The following MTSS1 variants were observed in gnomAD, a reference collection of about 807,000 sequenced individuals.
MTSS1 encodes protein MTSS 1.
A neutral mutation model predicts 79.0 loss-of-function variants in MTSS1; 18 were observed. The observed-to-expected ratio is 0.23, with a 90% CI of 0.16 to 0.34. The LOEUF is 0.34. Ranked by LOEUF, MTSS1 falls within the 10% of genes least tolerant of loss-of-function variation. MTSS1 has a pLI of 1.00. For synonymous variants in MTSS1, 341 were observed against 368.6 expected (o/e 0.93, Z 0.86); for missense variants, 815 against 986.2 (o/e 0.83, Z 2.33).
intron 7 of MTSS1, chr8:124,567,529 A>C: frequency 8.8e-7 from 1 of 1,133,240 alleles, no homozygotes; most frequent in Non-Finnish European, 1.2e-6. Flanking sequence ...CCCTTTTCTG[A>C]AGTTGCTTAG....
At chr8:124,663,815 G>C (rs1358501465) in intron 3 of MTSS1, among the ~76,000 whole-genome samples, 1 of 152,132 alleles carries the variant, frequency 6.6e-6, no homozygotes, top group South Asian at 2.1e-4. Context: ...TCCTCAAGGA[G>C]GGCAGAGACA....
intron 3 of MTSS1, among the ~76,000 whole-genome samples, chr8:124,687,227 T>C (rs1405500652): frequency 2.6e-5 from 4 of 152,162 alleles, no homozygotes; most frequent in Non-Finnish European, 4.4e-5. Context: ...TCCATATGCC[T>C]GCATGGAAAC....
intron 3 of MTSS1, among the ~76,000 whole-genome samples, chr8:124,599,784 A>G (rs73704107): frequency 0.026 from 3,912 of 152,222 alleles, 159 homozygotes; most frequent in African/African-American, 0.086. Flanking sequence ...CTTGGATGGC[A>G]GGCACACTCC....
intron 1 of MTSS1, among the ~76,000 whole-genome samples, chr8:124,723,577 T>C (rs1215363323): frequency 6.6e-6 from 1 of 152,122 alleles, no homozygotes; most frequent in East Asian, 1.9e-4. Flanking sequence ...AACAACAAAA[T>C]TGGCACCCAA....
intron 3 of MTSS1, among the ~76,000 whole-genome samples, chr8:124,692,155 G>A (rs1245748043): frequency 6.6e-6 from 1 of 151,008 alleles, no homozygotes; most frequent in East Asian, 2.0e-4. Flanking sequence ...TCAGCCTCCC[G>A]AGTAGCTGGA....
intron 3 of MTSS1, among the ~76,000 whole-genome samples, chr8:124,628,326 T>C (rs1198328363): frequency 3.3e-5 from 5 of 152,122 alleles, no homozygotes; most frequent in Non-Finnish European, 5.9e-5. Flanking sequence ...ATCATCCGAC[T>C]CCCAGATCAT....
At chr8:124,563,357 G>T in intron 9 of MTSS1, 1 of 284,794 alleles carries the variant, frequency 3.5e-6, no homozygotes. Context: ...GCTGATGTCA[G>T]TAGCAAGAAA....
intron 3 of MTSS1, among the ~76,000 whole-genome samples, chr8:124,666,175 T>C (rs1263661217): frequency 6.6e-6 from 1 of 152,240 alleles, no homozygotes; most frequent in Non-Finnish European, 1.5e-5. Context: ...GGGTGGGGAC[T>C]GGATCATATT....
chr8:124,580,585 GAA>G (rs1186669790), intron 6 of MTSS1: 3 of 1,535,722 alleles, frequency 2.0e-6, no homozygotes, highest in Non-Finnish European at 2.6e-6. Context: ...CACACGGTGA[GAA>G]AGTGCAGGAT....
intron 6 of MTSS1, among the ~76,000 whole-genome samples, chr8:124,571,359 C>T (rs899920032): frequency 1.3e-5 from 2 of 152,156 alleles, no homozygotes; most frequent in African/African-American, 4.8e-5. Context: ...GTGTATGATA[C>T]GAGTCCACCA....
chr8:124,654,267 G>C (rs1820543543), intron 3 of MTSS1, among the ~76,000 whole-genome samples: 1 of 152,218 alleles, frequency 6.6e-6, no homozygotes, highest in African/African-American at 2.4e-5. Flanking sequence ...TTAACCTACA[G>C]TTAAATGTTT....
chr8:124,619,093 G>T (rs2133481026), intron 3 of MTSS1, among the ~76,000 whole-genome samples: 1 of 152,348 alleles, frequency 6.6e-6, no homozygotes, highest in East Asian at 1.9e-4. Context: ...AGACAAAAAG[G>T]CAGAACTGTA....
intron 3 of MTSS1, among the ~76,000 whole-genome samples, chr8:124,674,200 G>A (rs1474504792): frequency 3.3e-5 from 5 of 151,996 alleles, no homozygotes; most frequent in African/African-American, 1.2e-4. Context: ...CCACAATCTC[G>A]GCTCACTGCA....
chr8:124,602,895 C>T (rs1429860442), intron 3 of MTSS1, among the ~76,000 whole-genome samples: 1 of 152,144 alleles, frequency 6.6e-6, no homozygotes, highest in Admixed American at 6.5e-5. Flanking sequence ...AAGAGACAGC[C>T]GCCTGCCCCC....
rs1048259992 is a variant in MTSS1 at position 124,591,264 on chromosome 8, G to A, written c.209-29C>T. The A allele has an allele frequency of 2.5e-6, 4 of 1,584,558 alleles. No homozygotes were observed. The Admixed American group carries it at 6.7e-5, about 26-fold the overall frequency. ...AAAAAGCAACAGAGGCAAAGGTGAG[G>A]GATAGAAGACTAGCAGGGATCATGG... On this transcript the variant is annotated intron_variant, in intron 3 of 13. Transcript: ENST00000518547.
Position 124,728,065 on chromosome 8 carries a change from G to A in MTSS1, c.-110C>T. The A allele has an allele frequency of 1.1e-6, 1 of 874,364 alleles. No individual in the cohort carries two copies. The highest frequency in any genetic ancestry group is 2.8e-5 in the East Asian group (1 of 35,296). The allele number at this position is 874,364 out of a possible 1,614,324, so 54.2% of individuals were successfully genotyped here. On this transcript the variant is annotated 5_prime_UTR_variant, in exon 1 of 14. Transcript: ENST00000518547. The surrounding 1 kb of genome is among the most constrained non-coding windows in gnomAD (Gnocchi z 6.1). ...TTTCACCTTCCGAGAGACCCACCTC[G>A]GACTCGCAGCCTCTTCTGCAGCGAG...
chr8:124,662,828 A>G (rs1210964934), intron 3 of MTSS1, among the ~76,000 whole-genome samples: 1 of 152,198 alleles, frequency 6.6e-6, no homozygotes, highest in Non-Finnish European at 1.5e-5. Context: ...GGGAGGAAAC[A>G]GACCAGGTAC....
intron 6 of MTSS1, among the ~76,000 whole-genome samples, chr8:124,575,104 G>A (rs1373687200): frequency 6.6e-6 from 1 of 152,150 alleles, no homozygotes; most frequent in East Asian, 1.9e-4. Flanking sequence ...GACATGCAAG[G>A]TGACACTGGA....
At chr8:124,577,618 G>A (rs747511804) in intron 6 of MTSS1, 3 of 518,962 alleles carry the variant, frequency 5.8e-6, no homozygotes, top group South Asian at 2.8e-5. Context: ...ATAGGTCTAA[G>A]GGTAAAATTC....
Sources: allele counts gnomAD v4.1 joint callset (sites outside exome capture counted in the v4.1 genomes callset), GRCh38; gene constraint gnomAD v4.1.1; non-coding constraint Gnocchi (gnomAD v3.1); transcripts MANE v1.5; gene names NCBI Gene and HGNC (gene_info 2026-07-23, HGNC 2026-07-21).